Variants in DLG2 observed in about 807,000 individuals in gnomAD.
DLG2 encodes the protein disks large homolog 2.
DLG2 carries 45 observed loss-of-function variants against 132.5 expected under a neutral mutation model. The ratio of observed to expected loss-of-function variants is 0.34; its 90% CI spans 0.27 to 0.44. DLG2 has a LOEUF of 0.44. DLG2 is among the 20% of genes least tolerant of loss of function. The pLI, the probability that DLG2 is intolerant of heterozygous loss-of-function variation, is 1.00. For missense variants in DLG2, 1,045 were observed against 1,196.9 expected (o/e 0.87, Z 1.87); for synonymous variants, 424 against 419.6 (o/e 1.01, Z -0.13).
At chr11:85,024,098 A>G (rs2060310476) in intron 6 of DLG2, among the ~76,000 whole-genome samples, 1 of 152,124 alleles carries the variant, frequency 6.6e-6, no homozygotes, top group Non-Finnish European at 1.5e-5. Context: ...TTCTTCATCT[A>G]AAAGTGGATT....
chr11:85,340,119 C>T (rs1041107798), intron 3 of DLG2, among the ~76,000 whole-genome samples: 2 of 152,156 alleles, frequency 1.3e-5, no homozygotes, highest in African/African-American at 4.8e-5. Flanking sequence ...TACCATTTGA[C>T]CCAGCAATCC....
At chr11:84,299,160 A>G (rs1421630313) in intron 7 of DLG2, among the ~76,000 whole-genome samples, 1 of 152,216 alleles carries the variant, frequency 6.6e-6, no homozygotes, top group Non-Finnish European at 1.5e-5. Context: ...GTTTAATCCA[A>G]CATAGACCAC....
chr11:85,053,796 CAAA>C (rs34604489), intron 6 of DLG2, among the ~76,000 whole-genome samples: 2 of 45,800 alleles, frequency 4.4e-5, no homozygotes, highest in Non-Finnish European at 7.9e-5. Flanking sequence ...GACTCTGTCT[CAAA>C]AAAAAAAAAA....
Position 84,943,442 on chromosome 11 carries a change from G to A in DLG2, c.357+168219C>T, listed in dbSNP as rs185857135. Among the ~76,000 whole-genome samples the A allele has an allele frequency of 1.4e-4, 21 of 151,468 alleles. No homozygotes were observed. In the East Asian group the frequency reaches 3.9e-3, roughly 28 times the overall value. ...CCTTCCTGTATTCCATTTAGTGAAG[G>A]TGACTTTCTCTGGTGGTATGTTTTA... is the stretch of plus-strand genomic sequence containing the variant. On this transcript the variant is annotated intron_variant, in intron 6 of 27. Coordinates refer to ENST00000376104, the MANE Select transcript of DLG2 (RefSeq NM_001142699.3).
chr11:84,490,886 C>CGTGTGT (rs113318666), intron 7 of DLG2, among the ~76,000 whole-genome samples: 7,251 of 147,890 alleles, frequency 0.049, 243 homozygotes, highest in South Asian at 0.15. Context: ...TGAATGGTTG[C>CGTGTGT]GTGTGTGTGT....
chr11:85,260,606 C>A (rs1045616966), intron 4 of DLG2, among the ~76,000 whole-genome samples: 3 of 152,196 alleles, frequency 2.0e-5, no homozygotes, highest in African/African-American at 7.2e-5. Context: ...CAGGTAGGTA[C>A]TCTGCCAGAT....
In DLG2 at chr11:85,523,534, T is replaced by A. The variant is rs180816164; in HGVS notation, c.40+75123A>T. Among the ~76,000 whole-genome samples, 205 of 152,268 alleles carry A rather than the reference T, an allele frequency of 1.3e-3. 1 individual carries two copies. Among genetic ancestry groups the A allele is most frequent in the African/African-American group, 4.9e-3 (203 of 41,556 alleles). On this transcript the variant is annotated intron_variant, in intron 3 of 27. Coordinates refer to ENST00000376104, the MANE Select transcript of DLG2 (RefSeq NM_001142699.3). ...ATGAAAATCAAACTACAATAAGTTA[T>A]CATCTCCCCCATTAAAATGGCTTTT... is the stretch of plus-strand genomic sequence containing the variant.
At chr11:84,180,683 C>G (rs2096094333) in intron 8 of DLG2, among the ~76,000 whole-genome samples, 1 of 152,090 alleles carries the variant, frequency 6.6e-6, no homozygotes. Flanking sequence ...CTAGTGGGGG[C>G]AGGTGGGAGC....
chr11:84,446,060 A>G (rs527508761), intron 7 of DLG2, among the ~76,000 whole-genome samples: 2 of 151,030 alleles, frequency 1.3e-5, no homozygotes, highest in East Asian at 1.9e-4. Flanking sequence ...CATAGAGCTC[A>G]TATTTTTTTC....
At chr11:84,026,949 T>C (rs1017156913) in intron 11 of DLG2, among the ~76,000 whole-genome samples, 2 of 152,170 alleles carry the variant, frequency 1.3e-5, no homozygotes, top group Admixed American at 6.6e-5. Flanking sequence ...TTATTATTTC[T>C]ATTATATTCC....
chr11:84,306,143 C>T (rs2098215613), intron 7 of DLG2, among the ~76,000 whole-genome samples: 1 of 148,458 alleles, frequency 6.7e-6, no homozygotes, highest in African/African-American at 2.5e-5. Context: ...ACGTTTTTTT[C>T]ACATGACCAC....
chr11:84,143,214 G>T (rs145316828), intron 9 of DLG2, among the ~76,000 whole-genome samples: 1 of 152,124 alleles, frequency 6.6e-6, no homozygotes, highest in African/African-American at 2.4e-5. Flanking sequence ...GTGAACACAT[G>T]ATGAGAAGAA....
At chr11:83,887,419 T>C (rs895462808) in intron 15 of DLG2, among the ~76,000 whole-genome samples, 7 of 152,024 alleles carry the variant, frequency 4.6e-5, no homozygotes, top group Non-Finnish European at 8.8e-5. Context: ...AATCTCTGAA[T>C]AGACCAATAA....
chr11:84,184,974 C>T (rs1368322161), intron 8 of DLG2, among the ~76,000 whole-genome samples: 1 of 152,090 alleles, frequency 6.6e-6, no homozygotes, highest in Admixed American at 6.6e-5. Flanking sequence ...GTTACTGTAG[C>T]CTTGTAGTGT....
intron 3 of DLG2, among the ~76,000 whole-genome samples, chr11:85,369,489 A>G (rs907849841): frequency 1.3e-5 from 2 of 151,044 alleles, no homozygotes; most frequent in African/African-American, 4.9e-5. Flanking sequence ...CTTTTAGAAG[A>G]CGTTTTTACT....
chr11:85,108,284 T>C (rs1164194987), intron 6 of DLG2, among the ~76,000 whole-genome samples: 1 of 151,914 alleles, frequency 6.6e-6, no homozygotes, highest in Non-Finnish European at 1.5e-5. Flanking sequence ...GAGAAAGGAA[T>C]GTAGGAGAGA....
chr11:84,417,768 T>TC (rs1347783049), intron 7 of DLG2, among the ~76,000 whole-genome samples: 1 of 152,176 alleles, frequency 6.6e-6, no homozygotes, highest in Non-Finnish European at 1.5e-5. Context: ...GTGTTTTTTT[T>TC]CCCCACCATT....
chr11:83,589,349 G>A (rs1181529351), intron 19 of DLG2, among the ~76,000 whole-genome samples: 1 of 145,438 alleles, frequency 6.9e-6, no homozygotes, highest in South Asian at 2.3e-4. Context: ...CATTCTTAAA[G>A]AAAAGAATTT....
chr11:83,939,809 T>A (rs2082254485), intron 14 of DLG2, among the ~76,000 whole-genome samples: 1 of 152,196 alleles, frequency 6.6e-6, no homozygotes, highest in African/African-American at 2.4e-5. Flanking sequence ...TTTACATTAC[T>A]AAGACAAACT....
Sources: gnomAD v4.1 joint callset for allele counts (sites outside exome capture counted in the v4.1 genomes callset) on GRCh38, gnomAD v4.1.1 for gene constraint, MANE v1.5 for transcripts, NCBI Gene and HGNC (gene_info 2026-07-23, HGNC 2026-07-21) for gene names.